NUBPL: variants seen among roughly 807,000 people sequenced by gnomAD.
NUBPL encodes the protein NUBP iron-sulfur cluster assembly factor, mitochondrial.
In NUBPL, 31 loss-of-function variants were observed where a neutral mutation model predicts 45.7. The observed-to-expected ratio is 0.68, with a 90% CI of 0.51 to 0.92. The LOEUF is 0.92. NUBPL is among the 40% of genes least tolerant of loss of function. The probability of loss-of-function intolerance (pLI) is 0.00; values close to 1 mark genes in which losing one functional copy is unlikely to be tolerated. For synonymous variants in NUBPL, 144 were observed against 140.9 expected (o/e 1.02, Z -0.15); for missense variants, 401 against 398.7 (o/e 1.01, Z -0.05).
intron 7 of NUBPL, among the ~76,000 whole-genome samples, chr14:31,813,992 C>T (rs2039866639): frequency 6.6e-6 from 1 of 152,218 alleles, no homozygotes; most frequent in Admixed American, 6.5e-5. Flanking sequence ...CTGCAATAAG[C>T]ATACGTGTGC....
chr14:31,807,564 C>T (rs1001313042), intron 7 of NUBPL, among the ~76,000 whole-genome samples: 6 of 152,210 alleles, frequency 3.9e-5, no homozygotes, highest in South Asian at 2.1e-4. Flanking sequence ...TTCTCCCATT[C>T]TGTAGGTTGC....
At chr14:31,609,494 C>G (rs755554421) in intron 4 of NUBPL, among the ~76,000 whole-genome samples, 1 of 152,140 alleles carries the variant, frequency 6.6e-6, no homozygotes, top group Non-Finnish European at 1.5e-5. Context: ...TTCAATACCC[C>G]ACTTGCAGCA....
intron 4 of NUBPL, among the ~76,000 whole-genome samples, chr14:31,646,557 T>C (rs2139720706): frequency 6.6e-6 from 1 of 152,310 alleles, no homozygotes; most frequent in Non-Finnish European, 1.5e-5. Flanking sequence ...CTGTATGGTT[T>C]CTGTTGAGAA....
intron 7 of NUBPL, among the ~76,000 whole-genome samples, chr14:31,811,084 T>G (rs1295424653): frequency 6.6e-6 from 1 of 152,124 alleles, no homozygotes; most frequent in African/African-American, 2.4e-5. Context: ...GTGAATCTGA[T>G]AATTATATGT....
chr14:31,646,338 C>T (rs2035851838), intron 4 of NUBPL, among the ~76,000 whole-genome samples: 1 of 152,048 alleles, frequency 6.6e-6, no homozygotes, highest in African/African-American at 2.4e-5. Context: ...AGGCACCCGC[C>T]CCCACGCCTG....
chr14:31,857,378 T>G (rs1354899236), intron 10 of NUBPL, among the ~76,000 whole-genome samples: 1 of 152,186 alleles, frequency 6.6e-6, no homozygotes, highest in Non-Finnish European at 1.5e-5. Flanking sequence ...GAGGCTGCCA[T>G]GAAGACCTCT....
At chr14:31,723,458 G>A (rs760928929) in intron 6 of NUBPL, among the ~76,000 whole-genome samples, 7 of 152,152 alleles carry the variant, frequency 4.6e-5, no homozygotes, top group Non-Finnish European at 8.8e-5. Context: ...TTTTAAAATA[G>A]TTTTTTCTAG....
intron 6 of NUBPL, among the ~76,000 whole-genome samples, chr14:31,719,567 G>C (rs2037764094): frequency 6.6e-6 from 1 of 152,026 alleles, no homozygotes; most frequent in African/African-American, 2.4e-5. Context: ...TTGGAGTCTG[G>C]TCCTGTCACT....
chr14:31,720,546 A>G (rs1023613771), intron 6 of NUBPL, among the ~76,000 whole-genome samples: 4 of 152,138 alleles, frequency 2.6e-5, no homozygotes, highest in Admixed American at 2.0e-4. Context: ...AGGTGTTCTC[A>G]GAGTCCTTTG....
chr14:31,759,207 T>A (rs1566546290), intron 6 of NUBPL, among the ~76,000 whole-genome samples: 1 of 152,194 alleles, frequency 6.6e-6, no homozygotes, highest in Non-Finnish European at 1.5e-5. Flanking sequence ...TTTTTTAAAT[T>A]TCTTTGTTTT....
At chr14:31,732,710 T>G (rs1566529596) in intron 6 of NUBPL, among the ~76,000 whole-genome samples, 1 of 149,036 alleles carries the variant, frequency 6.7e-6, no homozygotes, top group South Asian at 2.1e-4. Context: ...CTCCCGGGTT[T>G]AAGCAATTCT....
intron 7 of NUBPL, among the ~76,000 whole-genome samples, chr14:31,813,636 A>G (rs2039859214): frequency 2.0e-5 from 3 of 151,688 alleles, no homozygotes; most frequent in African/African-American, 7.3e-5. Flanking sequence ...TCCTGCACCC[A>G]TCAACCTGTC....
chr14:31,648,975 A>T (rs374422968), intron 4 of NUBPL, among the ~76,000 whole-genome samples: 3 of 151,660 alleles, frequency 2.0e-5, no homozygotes, highest in East Asian at 3.9e-4. Context: ...CACCTGGCTA[A>T]TTTTTTTTAT....
At chr14:31,673,847 C>T (rs2036631549) in intron 6 of NUBPL, among the ~76,000 whole-genome samples, 1 of 151,944 alleles carries the variant, frequency 6.6e-6, no homozygotes, top group Non-Finnish European at 1.5e-5. Context: ...GTAAGAAGAC[C>T]AAATCAATTT....
rs1218948427 is a variant in NUBPL at position 31,860,247 on chromosome 14, G to A, written c.*1067G>A. 1.4e-5 allele frequency: 2 copies of A among 140,376 alleles called. No individual in the cohort carries two copies. Among genetic ancestry groups the A allele is most frequent in the African/African-American group, 5.2e-5 (2 of 38,224 alleles). 8.7% of individuals were successfully genotyped at this position (140,376 alleles called of 1,614,324 possible). ...CAACCCGGGAGGCTGAGGTTGCAGTGAGTGGAGATTGTACCACTGCACTCC... is the reference window on the plus strand; with the variant it reads ...CAACCCGGGAGGCTGAGGTTGCAGTAAGTGGAGATTGTACCACTGCACTCC... On this transcript the variant is annotated 3_prime_UTR_variant, in exon 11 of 11. Coordinates refer to ENST00000281081, the MANE Select transcript of NUBPL (RefSeq NM_025152.3).
chr14:31,623,545 C>T (rs186774813), intron 4 of NUBPL, among the ~76,000 whole-genome samples: 66 of 152,222 alleles, frequency 4.3e-4, no homozygotes, highest in African/African-American at 1.5e-3. Context: ...TTGGATCATG[C>T]GGGATCCCCC....
intron 4 of NUBPL, among the ~76,000 whole-genome samples, chr14:31,601,929 C>T (rs557739822): frequency 6.6e-6 from 1 of 152,340 alleles, no homozygotes; most frequent in South Asian, 2.1e-4. Context: ...GCTATAAAGA[C>T]ACGTGCACAC....
At chr14:31,607,157 G>A (rs966306305) in intron 4 of NUBPL, among the ~76,000 whole-genome samples, 1 of 152,134 alleles carries the variant, frequency 6.6e-6, no homozygotes, top group Non-Finnish European at 1.5e-5. Context: ...GAGGCGGGCA[G>A]ATTGCCTGAG....
In NUBPL at chr14:31,856,279, G is replaced by A. The variant is rs180838179; in HGVS notation, c.898-2839G>A. ...GCTATCAGATCTCATGAGATTCACT[G>A]TTATGAGAACAGCATGGGAAAGACC... On this transcript the variant is annotated intron_variant, in intron 10 of 10. Coordinates refer to ENST00000281081, the MANE Select transcript of NUBPL (RefSeq NM_025152.3). 3.3e-5 allele frequency among the ~76,000 whole-genome samples: 5 copies of A among 152,170 alleles called. No homozygotes were observed. In the East Asian group the frequency reaches 5.8e-4, roughly 18 times the overall value.
Sources: gnomAD v4.1 joint callset for allele counts (sites outside exome capture counted in the v4.1 genomes callset) on GRCh38, gnomAD v4.1.1 for gene constraint, MANE v1.5 for transcripts, NCBI Gene and HGNC (gene_info 2026-07-23, HGNC 2026-07-21) for gene names.